The following ANKFN1 variants were observed in gnomAD, a reference collection of about 807,000 sequenced individuals.
ANKFN1 encodes the protein ankyrin repeat and fibronectin type-III domain-containing protein 1.
ANKFN1 carries 74 observed loss-of-function variants against 108.7 expected under a neutral mutation model. The observed-to-expected ratio is 0.68, with a 90% CI of 0.56 to 0.83. The LOEUF is 0.83. Among genes scored for constraint, ANKFN1 ranks in the 40% least tolerant of loss-of-function variants. The pLI, the probability that ANKFN1 is intolerant of heterozygous loss-of-function variation, is 0.00. For missense variants in ANKFN1, 1,505 were observed against 1,382.3 expected (o/e 1.09, Z -1.41); for synonymous variants, 547 against 516.2 (o/e 1.06, Z -0.81).
chr17:56,457,574 C>T (rs922167037), intron 13 of ANKFN1, among the ~76,000 whole-genome samples, 185 bp downstream of exon 13: 3 of 152,126 alleles, frequency 2.0e-5, no homozygotes, highest in Admixed American at 6.5e-5. Context: ...GTAACGTGTG[C>T]GCTACATTTT....
At chr17:56,152,717 A>G (rs563265927), upstream of ANKFN1, among the ~76,000 whole-genome samples, 169 of 152,304 alleles carry the variant, frequency 1.1e-3, 1 homozygote, top group African/African-American at 3.8e-3. Flanking sequence ...TAGGTGAGGA[A>G]TCAGGGTCCA....
chr17:56,164,489 C>A (rs1381392978), intron 1 of ANKFN1, among the ~76,000 whole-genome samples: 1 of 152,064 alleles, frequency 6.6e-6, no homozygotes, highest in African/African-American at 2.4e-5. Context: ...ATTCTCCAGC[C>A]CGTAGCACAG....
At chr17:56,064,381 G>A (rs1228365172) in intron 4 of ANKFN1, among the ~76,000 whole-genome samples, 2 of 152,228 alleles carry the variant, frequency 1.3e-5, no homozygotes, top group African/African-American at 4.8e-5. Context: ...ACTCCCGCTA[G>A]GGGCTCAGGC....
intron 4 of ANKFN1, among the ~76,000 whole-genome samples, chr17:56,141,789 G>A (rs370074766): frequency 6.6e-6 from 1 of 152,034 alleles, no homozygotes; most frequent in Non-Finnish European, 1.5e-5. Context: ...ATCAGTGTGG[G>A]GGTGGATAAT....
chr17:56,312,004 G>T (rs902766501), intron 3 of ANKFN1, among the ~76,000 whole-genome samples: 1 of 152,104 alleles, frequency 6.6e-6, no homozygotes, highest in Admixed American at 6.5e-5. Flanking sequence ...TCAGGCCTAT[G>T]GTTCACCTGA....
intron 4 of ANKFN1, among the ~76,000 whole-genome samples, chr17:56,090,094 A>G (rs146979944): frequency 6.6e-6 from 1 of 151,420 alleles, no homozygotes; most frequent in African/African-American, 2.4e-5. Context: ...CTGTTGTAGG[A>G]AAATGTGTGG....
intron 4 of ANKFN1, among the ~76,000 whole-genome samples, chr17:56,144,937 T>C (rs745612220): frequency 6.7e-6 from 1 of 150,216 alleles, no homozygotes; most frequent in East Asian, 1.9e-4. Flanking sequence ...TCTCTTACCC[T>C]TTTTTTTTTC....
chr17:56,101,002 G>A (rs891004177), intron 4 of ANKFN1, among the ~76,000 whole-genome samples: 3 of 152,108 alleles, frequency 2.0e-5, no homozygotes, highest in South Asian at 2.1e-4. Context: ...CCTTTGGGAC[G>A]TAATCAGATT....
At chr17:56,210,277 G>T (rs1914886055) in intron 1 of ANKFN1, among the ~76,000 whole-genome samples, 1 of 152,268 alleles carries the variant, frequency 6.6e-6, no homozygotes, top group Non-Finnish European at 1.5e-5. Flanking sequence ...GCTGGATCGG[G>T]ATGGTTTATT....
chr17:56,322,143 G>A (rs951196594), intron 3 of ANKFN1, among the ~76,000 whole-genome samples: 1 of 152,026 alleles, frequency 6.6e-6, no homozygotes, highest in Non-Finnish European at 1.5e-5. Flanking sequence ...TTAAAAAAAA[G>A]AGCACAGACC....
intron 4 of ANKFN1, among the ~76,000 whole-genome samples, chr17:56,338,792 G>A (rs552432004): frequency 6.6e-6 from 1 of 152,050 alleles, no homozygotes; most frequent in East Asian, 1.9e-4. Flanking sequence ...ACAGAGGGGA[G>A]GTTACTAATA....
chr17:56,112,116 A>G (rs536646596), intron 4 of ANKFN1, among the ~76,000 whole-genome samples: 9 of 152,208 alleles, frequency 5.9e-5, no homozygotes, highest in Non-Finnish European at 1.0e-4. Context: ...AATTATTCAG[A>G]CATTTAGGGC....
intron 3 of ANKFN1, among the ~76,000 whole-genome samples, chr17:56,257,130 G>A (rs921343813): frequency 6.6e-6 from 1 of 152,204 alleles, no homozygotes; most frequent in Non-Finnish European, 1.5e-5. Context: ...ATGATCATTT[G>A]AAGTCCTTGG....
At chr17:56,132,834 A>G (rs1242777592) in intron 4 of ANKFN1, among the ~76,000 whole-genome samples, 1 of 152,078 alleles carries the variant, frequency 6.6e-6, no homozygotes, top group Non-Finnish European at 1.5e-5. Context: ...AATCCTATGC[A>G]TGAGTGGGAA....
At position 56,354,024 on chromosome 17, in the gene ANKFN1, A is replaced by C; in HGVS notation, c.579A>C (p.Thr193=). ...CCATTGCAAGGATTCTTCTGAGGACAGGGGCCCGAGAAAGTCCACACTGTA... is the reference window on the plus strand; with the variant it reads ...CCATTGCAAGGATTCTTCTGAGGACCGGGGCCCGAGAAAGTCCACACTGTA... ...NVPIARILLR[T]GARESPHFVS... Residue 193 remains threonine (T), a synonymous_variant, in exon 6 of 21, where the codon ACA becomes ACC. Coordinates refer to ENST00000682825, the MANE Select transcript of ANKFN1 (RefSeq NM_001370326.1). The C allele has an allele frequency of 9.3e-6, 15 of 1,613,922 alleles. No individual in the cohort carries two copies. Among genetic ancestry groups the C allele is most frequent in the Non-Finnish European group, 1.3e-5 (15 of 1,179,944 alleles).
chr17:56,085,634 A>G (rs1197626767), intron 4 of ANKFN1, among the ~76,000 whole-genome samples: 1 of 151,354 alleles, frequency 6.6e-6, no homozygotes, highest in Non-Finnish European at 1.5e-5. Context: ...AGGCCCACCA[A>G]CTGGCAACTG....
chr17:56,143,434 TC>T (rs1399934811), intron 4 of ANKFN1, among the ~76,000 whole-genome samples: 1 of 152,098 alleles, frequency 6.6e-6, no homozygotes, highest in Non-Finnish European at 1.5e-5. Context: ...ATGAGCCACC[TC>T]CTCTAGAGCC....
At chr17:56,428,246 A>G (rs373335457) in intron 8 of ANKFN1, among the ~76,000 whole-genome samples, 78 of 151,792 alleles carry the variant, frequency 5.1e-4, no homozygotes, top group Non-Finnish European at 8.7e-4. Flanking sequence ...AAAAAAAAAA[A>G]GAAAAGAAAG....
intron 4 of ANKFN1, among the ~76,000 whole-genome samples, chr17:56,337,046 T>C (rs895933356): frequency 2.0e-5 from 3 of 152,226 alleles, no homozygotes; most frequent in Non-Finnish European, 4.4e-5. Context: ...AGTTTCTTAA[T>C]CCTGAGTTCT....
Sources: allele counts gnomAD v4.1 joint callset (sites outside exome capture counted in the v4.1 genomes callset), GRCh38; gene constraint gnomAD v4.1.1; transcripts MANE v1.5; gene names NCBI Gene and HGNC (gene_info 2026-07-23, HGNC 2026-07-21).